Variants in DGKD observed in about 807,000 individuals in gnomAD.
The protein encoded by DGKD is diacylglycerol kinase delta, also known as DAG kinase delta.
In DGKD, 68 loss-of-function variants were observed where a neutral mutation model predicts 154.4. That is an observed-to-expected ratio of 0.44 (90% CI 0.36 to 0.54). DGKD has a LOEUF of 0.54. Ranked by LOEUF, DGKD falls within the 20% of genes least tolerant of loss-of-function variation. DGKD has a pLI of 0.00. For missense variants in DGKD, 1,343 were observed against 1,593.6 expected, an observed-to-expected ratio of 0.84 and a Z score of 2.68; for synonymous variants, 693 against 638.0, an observed-to-expected ratio of 1.09 and a Z score of -1.30.
chr2:233,393,360 AG>A (rs1703768342), intron 3 of DGKD, among the ~76,000 whole-genome samples: 1 of 102,456 alleles, frequency 9.8e-6, no homozygotes, highest in African/African-American at 4.0e-5. Flanking sequence ...TTTTTGAGAC[AG>A]GGTCTTGCTC....
chr2:233,399,344 C>T (rs1216107579), intron 3 of DGKD, among the ~76,000 whole-genome samples: 1 of 152,202 alleles, frequency 6.6e-6, no homozygotes, highest in Non-Finnish European at 1.5e-5. Flanking sequence ...TGATTTGGGC[C>T]CTGCCCCTCA....
chr2:233,417,651 A>G lies in DGKD; in HGVS notation c.349-16729A>G, dbSNP rs374104122. Among the ~76,000 whole-genome samples, 19 of 152,296 alleles carry G rather than the reference A, an allele frequency of 1.2e-4. No homozygotes were observed. In the East Asian group the frequency reaches 2.1e-3, roughly 17 times the overall value. ...ATACAAATAACATGTATCATTATAG[A>G]TAATTAAGTGCAGATAACCCAAACA... is the stretch of plus-strand genomic sequence containing the variant. On this transcript the variant is annotated intron_variant, in intron 3 of 29. Transcript: ENST00000264057.
chr2:233,373,304 CGGA>C (rs1306089202), intron 1 of DGKD, among the ~76,000 whole-genome samples: 2 of 152,180 alleles, frequency 1.3e-5, no homozygotes, highest in African/African-American at 2.4e-5. Context: ...GGAAATAACA[CGGA>C]GGAAGTTTCT....
chr2:233,445,869 A>T lies in DGKD; in HGVS notation c.1334+107A>T. 7.5e-7 allele frequency: 1 copy of T among 1,335,142 alleles called. No homozygotes were observed. Among genetic ancestry groups the T allele is most frequent in the Non-Finnish European group, 1.0e-6 (1 of 1,001,730 alleles). 82.7% of individuals were successfully genotyped at this position (1,335,142 alleles called of 1,614,324 possible). A position where few individuals can be genotyped will look rare whatever the true frequency, so the allele number is the denominator to read the frequency against. Reference sequence around the variant, plus strand: ...CTGTGGAAAACATGGGCCCTCTGAAATTATTTGTAAAGATTTGACCTGAGT... The same window carrying T: ...CTGTGGAAAACATGGGCCCTCTGAATTTATTTGTAAAGATTTGACCTGAGT... On this transcript the variant is annotated intron_variant, in intron 11 of 29. Transcript: ENST00000264057. The surrounding 1 kb of genome is among the most constrained non-coding windows in gnomAD (Gnocchi z 5.5).
At chr2:233,386,669 A>G (rs1236469238) in intron 1 of DGKD, among the ~76,000 whole-genome samples, 2 of 151,742 alleles carry the variant, frequency 1.3e-5, no homozygotes, top group Non-Finnish European at 2.9e-5. Flanking sequence ...TACTGGGGAG[A>G]GGGTGGGTGC....
chr2:233,457,950 G>A lies in DGKD; in HGVS notation c.2581-334G>A, dbSNP rs2063512044. On this transcript the variant is annotated intron_variant, in intron 21 of 29. Transcript: ENST00000264057. The surrounding 1 kb of genome is among the most constrained non-coding windows in gnomAD (Gnocchi z 5.5). The stretch of plus-strand genomic sequence containing the variant: ...GAAGTATTCAGCGCTTCCTGCACAC[G>A]TGGTGTGTGCTGGCCCCAGTCCTGG... 5.6e-6 allele frequency: 2 copies of A among 359,242 alleles called. No individual in the cohort carries two copies. Among genetic ancestry groups the A allele is most frequent in the South Asian group, 6.7e-5 (2 of 29,654 alleles). 22.3% of individuals were successfully genotyped at this position (359,242 alleles called of 1,614,324 possible). A position where few individuals can be genotyped will look rare whatever the true frequency, so the allele number is the denominator to read the frequency against.
intron 18 of DGKD, among the ~76,000 whole-genome samples, chr2:233,454,070 A>G (rs1238013898): frequency 1.3e-5 from 2 of 152,192 alleles, no homozygotes; most frequent in African/African-American, 4.8e-5. Flanking sequence ...GCTGTGGGGA[A>G]TAGTCCAGCA....
rs751257815 is a variant in DGKD at position 233,464,263 on chromosome 2, G to T, written c.3286G>T (p.Ala1096Ser). 8.1e-6 allele frequency: 13 copies of T among 1,613,478 alleles called. No homozygotes were observed. The highest frequency in any genetic ancestry group is 3.3e-4 in the Middle Eastern group (2 of 6,084). The change falls in exon 27 of 30, where the codon GCA becomes TCA. Residue 1096 changes from alanine (A) to serine (S), a missense_variant. Ala to Ser is a moderately conservative substitution (Grantham distance 99). Coordinates refer to ENST00000264057, the MANE Select transcript of DGKD (RefSeq NM_152879.3). ...AGACACCCCGTGGCTCTGCCAGTCC[G>T]CAGAGCCCGGCGACGAAGAGGTATG... ...LADTPWLCQS[A>S]EPGDEESVML...
At chr2:233,448,752 G>A (rs1311425872) in intron 14 of DGKD, among the ~76,000 whole-genome samples, 1 of 152,152 alleles carries the variant, frequency 6.6e-6, no homozygotes, top group African/African-American at 2.4e-5. Flanking sequence ...GGCTGAAGTG[G>A]TTACAAAGGT....
At chr2:233,464,143 C>T (rs761055169) in intron 26 of DGKD, 21 bp from the exon 27 acceptor site, 2 of 1,612,542 alleles carry the variant, frequency 1.2e-6, no homozygotes, top group Non-Finnish European at 1.7e-6. Flanking sequence ...ATTTCTCTCT[C>T]CCTCCCTCCG....
At chr2:233,427,314 G>T (rs1002623116) in intron 3 of DGKD, among the ~76,000 whole-genome samples, 1 of 142,064 alleles carries the variant, frequency 7.0e-6, no homozygotes, top group South Asian at 2.3e-4. Context: ...CATTTGTCCT[G>T]TTGAGTTCAG....
At chr2:233,442,142 GC>G in intron 10 of DGKD, 147 bp downstream of exon 10, 1 of 814,128 alleles carries the variant, frequency 1.2e-6, no homozygotes, top group Non-Finnish European at 2.1e-6. Flanking sequence ...CAGTTTGGTG[GC>G]CAGGGCAGAG....
At position 233,449,386 on chromosome 2, in the gene DGKD, C is replaced by T. The variant is rs758341228; in HGVS notation, c.1888+10C>T. 1.3e-6 allele frequency: 2 copies of T among 1,587,444 alleles called. No homozygotes were observed. Among genetic ancestry groups the T allele is most frequent in the Admixed American group, 1.7e-5 (1 of 59,422 alleles). Reference sequence around the variant, plus strand: ...GAACACACAGAAAAAGGTAACTGGCCTTGTGATGAGGAGGGGCTTTCCTCA... The same window carrying T: ...GAACACACAGAAAAAGGTAACTGGCTTTGTGATGAGGAGGGGCTTTCCTCA... On this transcript the variant is annotated intron_variant, in intron 15 of 29. Transcript: ENST00000264057. The surrounding 1 kb of genome is among the most constrained non-coding windows in gnomAD (Gnocchi z 5.3).
intron 1 of DGKD, chr2:233,388,027 C>T (rs956636266): frequency 1.1e-6 from 1 of 915,586 alleles, no homozygotes; most frequent in Non-Finnish European, 1.5e-6. Context: ...CTCTTGACAC[C>T]CCCACCCACA....
chr2:233,427,707 T>C (rs1265554597), intron 3 of DGKD, among the ~76,000 whole-genome samples: 1 of 152,242 alleles, frequency 6.6e-6, no homozygotes, highest in South Asian at 2.1e-4. Context: ...CTGTTTCTTA[T>C]TTAATACATT....
intron 3 of DGKD, among the ~76,000 whole-genome samples, chr2:233,410,264 G>C (rs370528217): frequency 6.6e-6 from 1 of 152,180 alleles, no homozygotes; most frequent in Admixed American, 6.5e-5. Context: ...GAAGAAAGAG[G>C]GGGGGCTCAA....
intron 28 of DGKD, 58 bp downstream of exon 28, chr2:233,467,261 G>A (rs1196938277): frequency 3.4e-5 from 42 of 1,224,052 alleles, no homozygotes; most frequent in East Asian, 4.6e-5. Context: ...GATCGGCCCC[G>A]TTCCCCTGGT....
chr2:233,412,710 G>A (rs752856154), intron 3 of DGKD, among the ~76,000 whole-genome samples: 44 of 152,124 alleles, frequency 2.9e-4, no homozygotes, highest in Non-Finnish European at 5.7e-4. Context: ...ATCATTAAAT[G>A]TGATGTTAGC....
intron 16 of DGKD, 148 bp from the exon 17 acceptor site, chr2:233,450,772 CCT>C: frequency 2.0e-6 from 2 of 979,632 alleles, no homozygotes; most frequent in Non-Finnish European, 3.0e-6. Context: ...TCCTCCGCCC[CCT>C]TCTTTGTCCC....
Sources: gnomAD v4.1 joint callset for allele counts (sites outside exome capture counted in the v4.1 genomes callset) on GRCh38, gnomAD v4.1.1 for gene constraint, Gnocchi (gnomAD v3.1) non-coding constraint, MANE v1.5 for transcripts, NCBI Gene and HGNC (gene_info 2026-07-23, HGNC 2026-07-21) for gene names.